SERPINA9: variants seen among roughly 807,000 people sequenced by gnomAD.
SERPINA9 encodes serpin family A member 9.
A neutral mutation model predicts 24.5 loss-of-function variants in SERPINA9; 32 were observed. The ratio of observed to expected loss-of-function variants is 1.30; its 90% CI spans 0.98 to 1.75. The LOEUF is 1.75. Among genes scored for constraint, SERPINA9 ranks in the 40% most tolerant of loss-of-function variants. The pLI is 0.00. For synonymous variants in SERPINA9, 233 were observed against 197.7 expected (o/e 1.18, Z -1.50); for missense variants, 594 against 497.1 (o/e 1.19, Z -1.85).
intron 2 of SERPINA9, among the ~76,000 whole-genome samples, chr14:94,468,227 T>C (rs1363013341): frequency 6.6e-6 from 1 of 152,132 alleles, no homozygotes; most frequent in Non-Finnish European, 1.5e-5. Context: ...AACTGATGGA[T>C]GGACAAATGG....
intron 1 of SERPINA9, among the ~76,000 whole-genome samples, chr14:94,475,411 C>G (rs1899549134): frequency 7.0e-6 from 1 of 142,426 alleles, no homozygotes; most frequent in East Asian, 2.0e-4. Flanking sequence ...TGCATGTGTG[C>G]CTACATGTGC....
chr14:94,470,056 T>C (rs866551040), intron 1 of SERPINA9, 199 bp from the exon 2 acceptor site: 1 of 656,808 alleles, frequency 1.5e-6, no homozygotes, highest in Middle Eastern at 4.6e-4. Flanking sequence ...TGCAAATGAG[T>C]AAACAGGCCA....
In SERPINA9 at chr14:94,464,709, T is replaced by C; in HGVS notation, c.1048A>G (p.Lys350Glu). The C allele has an allele frequency of 1.2e-6, 2 of 1,611,584 alleles. No homozygotes were observed. The highest frequency in any genetic ancestry group is 1.7e-6 in the Non-Finnish European group (2 of 1,178,888). The change falls in exon 4 of 5, where the codon AAA (lysine) becomes GAA (glutamate). Residue 350 changes from lysine (K) to glutamate (E), a missense_variant and splice_region_variant. Transcript: ENST00000674397. ...GCAAATATTTTCATTCAACTCACTT[T>C]AGAAACCTGCAGGGAGTCTCTCTTT... ...IAKRDSLQVSKATHKAVLDVS... is the reference protein window; with the variant it reads ...IAKRDSLQVSEATHKAVLDVS...
chr14:94,474,506 G>A (rs939261222), intron 1 of SERPINA9, among the ~76,000 whole-genome samples: 3 of 152,088 alleles, frequency 2.0e-5, no homozygotes, highest in Admixed American at 1.3e-4. Flanking sequence ...ATGTCTGAGG[G>A]CCCCCAGGTC....
intron 1 of SERPINA9, among the ~76,000 whole-genome samples, chr14:94,474,344 G>T (rs530111219): frequency 3.3e-4 from 51 of 152,300 alleles, no homozygotes; most frequent in African/African-American, 1.0e-3. Flanking sequence ...GGTTGAGTAG[G>T]GGAGACCCAC....
Position 94,464,726 on chromosome 14 carries a change from T to A in SERPINA9, c.1031A>T (p.Asp344Val). The A allele has an allele frequency of 6.2e-7, 1 of 1,613,318 alleles. No homozygotes were observed. Among genetic ancestry groups the A allele is most frequent in the African/African-American group, 1.3e-5 (1 of 74,968 alleles). The change falls in exon 4 of 5, where the codon GAC (aspartate) becomes GTC (valine). Residue 344 changes from aspartate (D) to valine (V), a missense_variant. By Grantham distance (152) the Asp-to-Val change is radical (BLOSUM62 -3). Coordinates refer to ENST00000674397, the MANE Select transcript of SERPINA9 (RefSeq NM_175739.4). ...ACTCACTTTAGAAACCTGCAGGGAG[T>A]CTCTCTTTGCAATTCCAGAAAAATC... is the stretch of plus-strand genomic sequence containing the variant. ...NADFSGIAKRDSLQVSKATHK... is the reference protein window; with the variant it reads ...NADFSGIAKRVSLQVSKATHK...
intron 2 of SERPINA9, among the ~76,000 whole-genome samples, chr14:94,468,744 A>G (rs577321392): frequency 2.0e-4 from 30 of 152,330 alleles, no homozygotes; most frequent in African/African-American, 7.2e-4. Flanking sequence ...AGGAGACTTC[A>G]TATATATAAG....
intron 1 of SERPINA9, chr14:94,470,166 TG>T: frequency 1.8e-6 from 2 of 1,099,058 alleles, no homozygotes; most frequent in Non-Finnish European, 2.2e-6. Flanking sequence ...CCATGCTTTT[TG>T]ATGTTTCTGC....
At position 94,463,305 on chromosome 14, in the gene SERPINA9, G is replaced by A. The variant is rs1364354052; in HGVS notation, c.1051-9C>T. The A allele has an allele frequency of 3.7e-6, 6 of 1,613,560 alleles. No homozygotes were observed. The highest frequency in any genetic ancestry group is 5.1e-6 in the Non-Finnish European group (6 of 1,179,826). On this transcript the variant is annotated splice_polypyrimidine_tract_variant and intron_variant, in intron 4 of 4. Transcript: ENST00000674397. ...ACAGCCTTGTGGGTTGCCTGCCAAGGGAAAAACAAACATCAGTGGCCCTAG... is the reference window on the plus strand; with the variant it reads ...ACAGCCTTGTGGGTTGCCTGCCAAGAGAAAAACAAACATCAGTGGCCCTAG...
chr14:94,466,185 G>A (rs567809558), intron 3 of SERPINA9, among the ~76,000 whole-genome samples: 3 of 152,230 alleles, frequency 2.0e-5, no homozygotes, highest in Admixed American at 6.5e-5. Context: ...ACACCCTGCA[G>A]CATCTCTTCA....
In SERPINA9 at chr14:94,463,011, A is replaced by C. The variant is rs1481584144; in HGVS notation, c.*82T>G. 27 of 1,235,778 alleles carry C rather than the reference A, an allele frequency of 2.2e-5. No homozygotes were observed. Among genetic ancestry groups the C allele is most frequent in the Non-Finnish European group, 3.0e-5 (25 of 841,226 alleles). The allele number at this position is 1,235,778 out of a possible 1,614,324, so 76.6% of individuals were successfully genotyped here. Reference sequence around the variant, plus strand: ...ATCCAGCTCCACTGGGGTCAAATGCACCCTCAGAACAGAAAGAGGGATGTG... The same window carrying C: ...ATCCAGCTCCACTGGGGTCAAATGCCCCCTCAGAACAGAAAGAGGGATGTG... On this transcript the variant is annotated 3_prime_UTR_variant, in exon 5 of 5. Transcript: ENST00000674397.
At chr14:94,464,324 C>A in intron 4 of SERPINA9, 2 of 234,242 alleles carry the variant, frequency 8.5e-6, no homozygotes, top group African/African-American at 2.4e-5. Flanking sequence ...TCTCTCCTTA[C>A]ACACTGAAGG....
intron 2 of SERPINA9, among the ~76,000 whole-genome samples, chr14:94,467,886 T>C (rs1273951492): frequency 1.3e-5 from 2 of 148,806 alleles, no homozygotes; most frequent in Non-Finnish European, 3.0e-5. Context: ...GCTAGCTAGA[T>C]GGCTAGCTAG....
intron 4 of SERPINA9, chr14:94,464,297 C>G: frequency 4.6e-6 from 1 of 217,368 alleles, no homozygotes. Flanking sequence ...CTCTCTCTCT[C>G]TCTCTCTCTC....
At chr14:94,463,836 G>A (rs140628551) in intron 4 of SERPINA9, among the ~76,000 whole-genome samples, 6 of 152,244 alleles carry the variant, frequency 3.9e-5, no homozygotes, top group African/African-American at 1.4e-4. Flanking sequence ...GTGACTACAG[G>A]CATTATTTTT....
chr14:94,467,117 G>T lies in SERPINA9; in HGVS notation c.894C>A (p.Leu298=), dbSNP rs759786714. The T allele has an allele frequency of 4.9e-5, 79 of 1,613,642 alleles. No individual in the cohort carries two copies. In the Admixed American group the frequency reaches 1.3e-3, roughly 27 times the overall value. The change falls in exon 3 of 5, where the codon CTC becomes CTA. Residue 298 remains leucine (L), a synonymous_variant. Coordinates refer to ENST00000674397, the MANE Select transcript of SERPINA9 (RefSeq NM_175739.4). The part of the protein sequence containing the change: ...ARTLRKWSHS[L]QKRWIEVFIP... The stretch of plus-strand genomic sequence containing the variant: ...TTGACACAGATGCCCACCTTTTCTG[G>T]AGTGAGTGGCTCCACTTTCTCAGTG...
intron 4 of SERPINA9, chr14:94,464,309 C>CG (rs1898888932): frequency 1.1e-5 from 2 of 188,778 alleles, no homozygotes; most frequent in Non-Finnish European, 1.9e-5. Flanking sequence ...CTCTCTCTCT[C>CG]TCTCTCTCTC....
intron 1 of SERPINA9, 134 bp downstream of exon 1, chr14:94,476,002 C>G (rs550442885): frequency 2.2e-6 from 3 of 1,378,254 alleles, no homozygotes; most frequent in African/African-American, 2.9e-5. Flanking sequence ...TAAAAGCCAA[C>G]TAATGTGTCT....
chr14:94,475,744 C>A (rs147256253), intron 1 of SERPINA9, among the ~76,000 whole-genome samples: 4 of 152,184 alleles, frequency 2.6e-5, no homozygotes, highest in Admixed American at 1.3e-4. Context: ...CTGATCCTTG[C>A]TGTTAGTTTG....
Sources: gnomAD v4.1 joint callset for allele counts (sites outside exome capture counted in the v4.1 genomes callset) on GRCh38, gnomAD v4.1.1 for gene constraint, MANE v1.5 for transcripts, NCBI Gene and HGNC (gene_info 2026-07-23, HGNC 2026-07-21) for gene names.